YWHAE: variants seen among roughly 807,000 people sequenced by gnomAD.
The protein encoded by YWHAE is 14-3-3 protein epsilon.
YWHAE carries 4 observed loss-of-function variants against 30.1 expected under a neutral mutation model. That is an observed-to-expected ratio of 0.13 (90% CI 0.07 to 0.30). The LOEUF (loss-of-function observed/expected upper bound fraction) is 0.30. Among genes scored for constraint, YWHAE ranks in the 10% least tolerant of loss-of-function variants. The probability of loss-of-function intolerance (pLI) is 1.00; values close to 1 mark genes in which losing one functional copy is unlikely to be tolerated. For missense variants in YWHAE, 121 were observed against 315.9 expected, an observed-to-expected ratio of 0.38 and a Z score of 4.68; for synonymous variants, 118 against 111.8, an observed-to-expected ratio of 1.06 and a Z score of -0.35.
chr17:1,390,504 C>T (rs1250815800), intron 1 of YWHAE, among the ~76,000 whole-genome samples: 1 of 152,120 alleles, frequency 6.6e-6, no homozygotes, highest in East Asian at 1.9e-4. Context: ...GAATGTTTCA[C>T]AACAAATAGT....
At chr17:1,374,916 G>A (rs759879077) in intron 1 of YWHAE, among the ~76,000 whole-genome samples, 3 of 152,136 alleles carry the variant, frequency 2.0e-5, no homozygotes, top group South Asian at 2.1e-4. Context: ...CACTTCTATT[G>A]CTTCAAGAGA....
chr17:1,354,409 ATGC>A, intron 4 of YWHAE, 62 bp from the exon 5 acceptor site: 1 of 1,513,670 alleles, frequency 6.6e-7, no homozygotes, highest in Non-Finnish European at 9.0e-7. Context: ...TAGAAATGAC[ATGC>A]TAGACAGCAA....
chr17:1,397,081 T>TAC (rs2073484552), intron 1 of YWHAE, among the ~76,000 whole-genome samples: 1 of 151,796 alleles, frequency 6.6e-6, no homozygotes, highest in African/African-American at 2.4e-5. Context: ...TTTATTTTTG[T>TAC]AGAGACAGGG....
intron 1 of YWHAE, among the ~76,000 whole-genome samples, chr17:1,383,058 G>C (rs1034273592): frequency 5.2e-4 from 78 of 149,544 alleles, no homozygotes; most frequent in African/African-American, 1.8e-3. Context: ...CAAAACAAAA[G>C]TGGAAAAACT....
At chr17:1,394,865 G>A (rs2073444907) in intron 1 of YWHAE, among the ~76,000 whole-genome samples, 1 of 152,036 alleles carries the variant, frequency 6.6e-6, no homozygotes, top group Admixed American at 6.6e-5. Flanking sequence ...TACTCGGGAA[G>A]CAGAGGCAGG....
At chr17:1,383,497 CCTGT>C (rs2073249012) in intron 1 of YWHAE, among the ~76,000 whole-genome samples, 1 of 150,368 alleles carries the variant, frequency 6.7e-6, no homozygotes, top group South Asian at 2.1e-4. Flanking sequence ...AAGCAATTCT[CCTGT>C]CTCAGCCCCT....
intron 4 of YWHAE, among the ~76,000 whole-genome samples, chr17:1,358,816 C>T (rs1033632472): frequency 9.0e-5 from 11 of 122,552 alleles, no homozygotes; most frequent in African/African-American, 2.4e-4. Flanking sequence ...GCCAGCAGAG[C>T]GAGACTCCAT....
intron 1 of YWHAE, among the ~76,000 whole-genome samples, chr17:1,365,806 A>G (rs932980162): frequency 6.6e-6 from 1 of 152,194 alleles, no homozygotes; most frequent in Non-Finnish European, 1.5e-5. Flanking sequence ...ATCTTTGGTG[A>G]TGAGACTCAA....
intron 1 of YWHAE, among the ~76,000 whole-genome samples, chr17:1,394,460 A>AACAC (rs2073436704): frequency 4.4e-5 from 6 of 137,544 alleles, no homozygotes; most frequent in African/African-American, 1.7e-4. Flanking sequence ...AAAAAAAAAA[A>AACAC]ACACAAAAAT....
intron 1 of YWHAE, among the ~76,000 whole-genome samples, chr17:1,385,427 T>C (rs951961090): frequency 1.3e-5 from 2 of 152,108 alleles, no homozygotes; most frequent in East Asian, 3.8e-4. Context: ...AAGTACACCA[T>C]ACTGCAATTT....
At chr17:1,386,670 C>T (rs927340228) in intron 1 of YWHAE, among the ~76,000 whole-genome samples, 6 of 152,200 alleles carry the variant, frequency 3.9e-5, no homozygotes, top group Non-Finnish European at 7.3e-5. Context: ...ACTACATGAG[C>T]CAGGCACGGT....
intron 4 of YWHAE, among the ~76,000 whole-genome samples, chr17:1,358,297 T>A (rs2072793013): frequency 6.6e-6 from 1 of 152,076 alleles, no homozygotes; most frequent in Admixed American, 6.5e-5. Context: ...TGGAGTGCAG[T>A]GGCGTGATCT....
Position 1,400,155 on chromosome 17 carries a change from A to G in YWHAE, c.-45T>C, listed in dbSNP as rs2073546731. On this transcript the variant is annotated 5_prime_UTR_variant, in exon 1 of 6. Transcript: ENST00000264335. ...GGGTCTGCGCGACGGATGGAAGCGG[A>G]TAGTGTCTCCGACTCTCTCAGCCTC... 1 of 1,610,012 alleles carries G rather than the reference A, an allele frequency of 6.2e-7. No homozygotes were observed. Among genetic ancestry groups the G allele is most frequent in the South Asian group, 1.1e-5 (1 of 91,000 alleles).
chr17:1,355,252 G>C (rs1164600868), intron 4 of YWHAE, among the ~76,000 whole-genome samples: 2 of 135,760 alleles, frequency 1.5e-5, no homozygotes, highest in Non-Finnish European at 3.0e-5. Context: ...CGCCTCCTGG[G>C]TTCACACCAT....
At chr17:1,381,029 A>G (rs1003016281) in intron 1 of YWHAE, among the ~76,000 whole-genome samples, 10 of 152,188 alleles carry the variant, frequency 6.6e-5, no homozygotes, top group African/African-American at 2.4e-4. Context: ...ATAAGTAACG[A>G]TTTTATTACT....
intron 2 of YWHAE, among the ~76,000 whole-genome samples, chr17:1,364,130 A>G (rs186829284): frequency 6.6e-6 from 1 of 152,298 alleles, no homozygotes; most frequent in East Asian, 1.9e-4. Context: ...TTATATATGT[A>G]TATACACCCA....
At chr17:1,373,298 C>T (rs1307383116) in intron 1 of YWHAE, among the ~76,000 whole-genome samples, 1 of 152,060 alleles carries the variant, frequency 6.6e-6, no homozygotes, top group East Asian at 1.9e-4. Flanking sequence ...TCCCTCAGTT[C>T]ACGGATCCCC....
At chr17:1,377,946 G>A (rs956630089) in intron 1 of YWHAE, among the ~76,000 whole-genome samples, 1 of 152,070 alleles carries the variant, frequency 6.6e-6, no homozygotes, top group Non-Finnish European at 1.5e-5. Flanking sequence ...CTACTCGGGA[G>A]GCTGAGGCAG....
intron 1 of YWHAE, among the ~76,000 whole-genome samples, chr17:1,370,975 G>A (rs1033736084): frequency 6.6e-5 from 10 of 152,004 alleles, no homozygotes; most frequent in Non-Finnish European, 1.0e-4. Flanking sequence ...CTCCAGCCTG[G>A]GCGACACAGC....
Sources: gnomAD v4.1 joint callset for allele counts (sites outside exome capture counted in the v4.1 genomes callset) on GRCh38, gnomAD v4.1.1 for gene constraint, MANE v1.5 for transcripts, NCBI Gene and HGNC (gene_info 2026-07-23, HGNC 2026-07-21) for gene names.